The following ZNRF1 variants were observed in gnomAD, a reference collection of about 807,000 sequenced individuals.
The protein encoded by ZNRF1 is E3 ubiquitin-protein ligase ZNRF1.
Under a neutral mutation model 18.4 loss-of-function variants are expected in ZNRF1, and 3 were observed. That is an observed-to-expected ratio of 0.16 (90% confidence interval 0.07 to 0.42). The LOEUF (loss-of-function observed/expected upper bound fraction) is 0.42, where lower values mean the gene tolerates loss of function less well. ZNRF1 is among the 10% of genes least tolerant of loss of function. The probability of loss-of-function intolerance (pLI) is 0.99; values close to 1 mark genes in which losing one functional copy is unlikely to be tolerated. For synonymous variants in ZNRF1, 157 were observed against 144.2 expected, an observed-to-expected ratio of 1.09 and a Z score of -0.64; for missense variants, 310 against 329.8, an observed-to-expected ratio of 0.94 and a Z score of 0.47.
intron 1 of ZNRF1, among the ~76,000 whole-genome samples, chr16:75,005,576 A>G (rs1178375323): frequency 2.0e-5 from 3 of 152,202 alleles, no homozygotes; most frequent in African/African-American, 7.2e-5. Context: ...GTTACTCCCT[A>G]TCCAAAGGGG....
intron 1 of ZNRF1, among the ~76,000 whole-genome samples, chr16:75,019,192 T>C (rs1345619657): frequency 1.3e-5 from 2 of 151,422 alleles, no homozygotes; most frequent in African/African-American, 2.4e-5. Context: ...TAATATAGCT[T>C]TTTTTTTGGT....
intron 2 of ZNRF1, among the ~76,000 whole-genome samples, chr16:75,100,943 T>C (rs747645956): frequency 7.2e-5 from 11 of 152,210 alleles, no homozygotes; most frequent in Non-Finnish European, 1.3e-4. Context: ...AAAGTTTTTA[T>C]GTTTTTTTGA....
intron 1 of ZNRF1, among the ~76,000 whole-genome samples, chr16:75,051,045 A>AC (rs1289668073): frequency 1.4e-5 from 1 of 70,990 alleles, no homozygotes; most frequent in African/African-American, 2.9e-5. Flanking sequence ...GAAAAAAAAA[A>AC]AAAACAAAAC....
At chr16:75,105,628 G>C (rs2036306366) in intron 3 of ZNRF1, 1 of 152,380 alleles carries the variant, frequency 6.6e-6, no homozygotes, top group Non-Finnish European at 1.5e-5. Flanking sequence ...GTGCAGAGGA[G>C]GCTTAAGGCT....
chr16:75,009,086 T>G (rs1274919214), intron 1 of ZNRF1, among the ~76,000 whole-genome samples: 1 of 152,224 alleles, frequency 6.6e-6, no homozygotes, highest in East Asian at 1.9e-4. Context: ...TTTCTGGTCA[T>G]TGAACACTAT....
intron 1 of ZNRF1, among the ~76,000 whole-genome samples, chr16:75,039,166 T>C (rs987457753): frequency 6.6e-6 from 1 of 152,128 alleles, no homozygotes; most frequent in Non-Finnish European, 1.5e-5. Context: ...ATAGAAAAAA[T>C]GTGGTTTTGA....
chr16:75,110,191 CCT>C lies in ZNRF1; in HGVS notation c.*2494_*2495del, dbSNP rs61067896. ...TGCAGCCCTCTGCCGGCTGTGGTGT[CCT>C]CTGAATTTGGACCCAGGTTGCCTGC... On this transcript the variant is annotated 3_prime_UTR_variant, in exon 5 of 5. Coordinates refer to ENST00000335325, the MANE Select transcript of ZNRF1 (RefSeq NM_032268.5). 0.084 allele frequency: 12,815 copies of C among 152,470 alleles called. 633 individuals carry two copies. Among genetic ancestry groups the C allele is most frequent in the Admixed American group, 0.13 (2,031 of 15,304 alleles). 9.4% of individuals were successfully genotyped at this position (152,470 alleles called of 1,614,324 possible). A position where few individuals can be genotyped will look rare whatever the true frequency, so the allele number is the denominator to read the frequency against.
intron 2 of ZNRF1, among the ~76,000 whole-genome samples, chr16:75,097,517 C>T (rs2036212932): frequency 6.6e-6 from 1 of 152,148 alleles, no homozygotes; most frequent in African/African-American, 2.4e-5. Flanking sequence ...TGCTAAATGT[C>T]ACACAAGCTG....
chr16:75,102,989 A>G (rs1567496506), intron 2 of ZNRF1, among the ~76,000 whole-genome samples: 1 of 151,914 alleles, frequency 6.6e-6, no homozygotes, highest in Admixed American at 6.6e-5. Context: ...TCCATCCTCC[A>G]CCTTCTCCAG....
intron 1 of ZNRF1, among the ~76,000 whole-genome samples, chr16:75,029,692 C>A (rs2145347484): frequency 6.6e-6 from 1 of 151,898 alleles, no homozygotes; most frequent in South Asian, 2.1e-4. Flanking sequence ...TCGCTTGAAC[C>A]TAGGAGGCGG....
chr16:75,021,969 C>A (rs370015228), intron 1 of ZNRF1, among the ~76,000 whole-genome samples: 3 of 152,176 alleles, frequency 2.0e-5, no homozygotes, highest in African/African-American at 7.2e-5. Context: ...CTTCTGTCTG[C>A]CTTCCTGTTT....
chr16:75,087,699 G>A (rs1434753096), intron 1 of ZNRF1, among the ~76,000 whole-genome samples: 1 of 152,178 alleles, frequency 6.6e-6, no homozygotes, highest in Non-Finnish European at 1.5e-5. Context: ...TGAACATACT[G>A]GCAGAAAAGG....
At chr16:75,023,206 C>G (rs12921231) in intron 1 of ZNRF1, among the ~76,000 whole-genome samples, 133,588 of 152,186 alleles carry the variant, frequency 0.88, 59,064 homozygotes, top group Non-Finnish European at 0.93. Flanking sequence ...TTGTAATTAA[C>G]TCATCTTTTC....
rs753269868 is a variant in ZNRF1 at position 74,999,806 on chromosome 16, G to T, written c.135G>T (p.Gly45=). ...GHYRTGGGAM[G]LRSRSVSSVA... is the part of the protein sequence containing the mutation. Reference sequence around the variant, plus strand: ...ACCGGACGGGCGGCGGGGCCATGGGGCTGCGCAGCCGCTCGGTCAGCTCGG... The same window carrying T: ...ACCGGACGGGCGGCGGGGCCATGGGTCTGCGCAGCCGCTCGGTCAGCTCGG... Residue 45 remains glycine, a synonymous_variant, in exon 1 of 5, where the codon GGG becomes GGT. Coordinates refer to ENST00000335325, the MANE Select transcript of ZNRF1 (RefSeq NM_032268.5). 16 of 1,442,676 alleles carry T rather than the reference G, an allele frequency of 1.1e-5. No individual in the cohort carries two copies. The highest frequency in any genetic ancestry group is 1.4e-5 in the Non-Finnish European group (16 of 1,103,874). 89.4% of individuals were successfully genotyped at this position (1,442,676 alleles called of 1,614,324 possible).
chr16:75,067,364 T>TA (rs1338796621), intron 1 of ZNRF1, among the ~76,000 whole-genome samples: 4 of 152,310 alleles, frequency 2.6e-5, no homozygotes, highest in African/African-American at 9.6e-5. Flanking sequence ...CATGTCTCGA[T>TA]AGAGGAGTGT....
chr16:75,051,532 G>C (rs1009392760), intron 1 of ZNRF1, among the ~76,000 whole-genome samples: 4 of 144,272 alleles, frequency 2.8e-5, no homozygotes, highest in Admixed American at 6.9e-5. Context: ...TTTTTTTTTT[G>C]GGGGGGACGG....
At chr16:75,018,057 C>G (rs1021215975) in intron 1 of ZNRF1, among the ~76,000 whole-genome samples, 1 of 152,182 alleles carries the variant, frequency 6.6e-6, no homozygotes, top group East Asian at 1.9e-4. Context: ...ATAACAGTGT[C>G]TATCATATAG....
intron 1 of ZNRF1, among the ~76,000 whole-genome samples, chr16:75,048,078 A>G (rs979485492): frequency 1.4e-4 from 22 of 151,944 alleles, no homozygotes; most frequent in African/African-American, 5.3e-4. Context: ...TCAGCTTCCC[A>G]AGTAGCTGGA....
chr16:75,000,205 C>CA, intron 1 of ZNRF1, 110 bp downstream of exon 1: 1 of 1,445,018 alleles, frequency 6.9e-7, no homozygotes, highest in Non-Finnish European at 9.4e-7. Context: ...GATCTGTCTG[C>CA]ATTCCCTTTG....
Sources: allele counts gnomAD v4.1 joint callset (sites outside exome capture counted in the v4.1 genomes callset), GRCh38; gene constraint gnomAD v4.1.1; transcripts MANE v1.5; gene names NCBI Gene and HGNC (gene_info 2026-07-23, HGNC 2026-07-21).